The following TMEM117 variants were observed in gnomAD, a reference collection of about 807,000 sequenced individuals.
The protein encoded by TMEM117 is transmembrane protein 117.
Under a neutral mutation model 52.4 loss-of-function variants are expected in TMEM117, and 27 were observed. The ratio of observed to expected loss-of-function variants is 0.51; its 90% CI spans 0.38 to 0.71. The LOEUF is 0.71. Ranked by LOEUF, TMEM117 falls within the 30% of genes least tolerant of loss-of-function variation. The probability of loss-of-function intolerance (pLI) is 0.00; values close to 1 mark genes in which losing one functional copy is unlikely to be tolerated. For synonymous variants in TMEM117, 215 were observed against 206.3 expected (o/e 1.04, Z -0.36); for missense variants, 556 against 630.5 (o/e 0.88, Z 1.26).
intron 5 of TMEM117, among the ~76,000 whole-genome samples, chr12:44,252,574 C>G (rs1004358240): frequency 6.6e-6 from 1 of 152,140 alleles, no homozygotes; most frequent in Non-Finnish European, 1.5e-5. Context: ...TTTGTGAAGT[C>G]TGCTCCCAAT....
chr12:44,079,723 AT>A (rs1947448794), intron 3 of TMEM117, among the ~76,000 whole-genome samples: 1 of 152,136 alleles, frequency 6.6e-6, no homozygotes, highest in African/African-American at 2.4e-5. Flanking sequence ...TTTTAAAGAA[AT>A]TAAAAATGAG....
intron 4 of TMEM117, among the ~76,000 whole-genome samples, chr12:44,191,850 A>G (rs967914866): frequency 1.6e-4 from 24 of 152,248 alleles, no homozygotes; most frequent in Admixed American, 4.6e-4. Context: ...ATTTTTTTCT[A>G]TAAGTAATAG....
intron 4 of TMEM117, among the ~76,000 whole-genome samples, chr12:44,165,417 C>T (rs372199143): frequency 2.1e-4 from 32 of 152,216 alleles, no homozygotes; most frequent in African/African-American, 7.0e-4. Context: ...CCCACTTAAA[C>T]GATATAGATT....
chr12:43,831,888 GA>G (rs1942984932), upstream of TMEM117, among the ~76,000 whole-genome samples: 6 of 152,040 alleles, frequency 3.9e-5, no homozygotes, highest in Non-Finnish European at 8.8e-5. Context: ...TTTTACAAAG[GA>G]ATGATATGTA....
chr12:43,921,594 G>A (rs10748379), intron 2 of TMEM117, among the ~76,000 whole-genome samples: 1 of 151,934 alleles, frequency 6.6e-6, no homozygotes, highest in African/African-American at 2.4e-5. Context: ...AGTTTTATTG[G>A]TTCTACCTTC....
chr12:44,069,362 A>G (rs1477834434), intron 3 of TMEM117, among the ~76,000 whole-genome samples: 1 of 152,148 alleles, frequency 6.6e-6, no homozygotes, highest in Admixed American at 6.5e-5. Context: ...TAAAGACCTC[A>G]CTGAGAGGTG....
chr12:43,946,324 A>G (rs1945130282), intron 3 of TMEM117, among the ~76,000 whole-genome samples: 1 of 151,408 alleles, frequency 6.6e-6, no homozygotes, highest in Non-Finnish European at 1.5e-5. Context: ...ATAATACATG[A>G]TATAATATAT....
intron 3 of TMEM117, among the ~76,000 whole-genome samples, chr12:44,017,437 A>C (rs943856044): frequency 1.3e-5 from 2 of 149,864 alleles, no homozygotes; most frequent in East Asian, 3.9e-4. Flanking sequence ...AAGAAATCTT[A>C]TATGATTTCT....
intron 3 of TMEM117, among the ~76,000 whole-genome samples, chr12:43,945,496 A>AT (rs1945117331): frequency 6.6e-6 from 1 of 151,802 alleles, no homozygotes; most frequent in African/African-American, 2.4e-5. Context: ...AATTTTTGTT[A>AT]TTTTTTAGTA....
chr12:43,824,230 A>C, the TMEM117 span, among the ~76,000 whole-genome samples: 1 of 152,234 alleles, frequency 6.6e-6, no homozygotes, highest in African/African-American at 2.4e-5. Flanking sequence ...CTCTCTGGTC[A>C]AACGAGGTGG....
chr12:44,085,860 G>A (rs757649962), intron 3 of TMEM117, among the ~76,000 whole-genome samples: 2 of 151,680 alleles, frequency 1.3e-5, no homozygotes, highest in African/African-American at 4.8e-5. Flanking sequence ...TTTTTCTAGA[G>A]AAGAATAAGA....
the TMEM117 span, among the ~76,000 whole-genome samples, chr12:43,803,436 G>T: frequency 1.3e-5 from 2 of 151,994 alleles, no homozygotes; most frequent in Non-Finnish European, 2.9e-5. Flanking sequence ...AAGATAAAAT[G>T]TTAGCAGTTA....
chr12:43,914,364 T>C (rs1944565448), intron 2 of TMEM117, among the ~76,000 whole-genome samples: 1 of 152,162 alleles, frequency 6.6e-6, no homozygotes, highest in East Asian at 1.9e-4. Context: ...CGCTCCTCAG[T>C]CTTCCCCTAG....
chr12:43,817,928 T>G, the TMEM117 span, among the ~76,000 whole-genome samples: 9 of 152,256 alleles, frequency 5.9e-5, no homozygotes, highest in African/African-American at 2.2e-4. Context: ...TTTTAAAAAA[T>G]ATAAAGAAAC....
intron 7 of TMEM117, among the ~76,000 whole-genome samples, chr12:44,377,026 G>T (rs1316797814): frequency 2.0e-5 from 3 of 152,114 alleles, no homozygotes; most frequent in Non-Finnish European, 4.4e-5. Flanking sequence ...GCTTGGAAAA[G>T]AAATATGTCA....
intron 1 of TMEM117, among the ~76,000 whole-genome samples, chr12:43,839,240 A>G (rs1313342746): frequency 3.9e-5 from 6 of 152,058 alleles, no homozygotes; most frequent in Admixed American, 2.0e-4. Flanking sequence ...AATATTTTCA[A>G]CCAGGAAACA....
At chr12:44,340,368 G>A (rs1951400427) in intron 6 of TMEM117, among the ~76,000 whole-genome samples, 1 of 152,014 alleles carries the variant, frequency 6.6e-6, no homozygotes, top group Admixed American at 6.6e-5. Flanking sequence ...ATCAAAACAG[G>A]GAAGTACTTA....
At chr12:44,219,750 A>G (rs564575473) in intron 5 of TMEM117, among the ~76,000 whole-genome samples, 1 of 152,282 alleles carries the variant, frequency 6.6e-6, no homozygotes, top group Admixed American at 6.5e-5. Context: ...CATTATAGCT[A>G]CTCAAATAAT....
chr12:44,174,691 T>C (rs1430292507), intron 4 of TMEM117, among the ~76,000 whole-genome samples: 1 of 152,192 alleles, frequency 6.6e-6, no homozygotes, highest in Non-Finnish European at 1.5e-5. Context: ...GTAAATAAGA[T>C]ACACAGAGTT....
Sources: allele counts gnomAD v4.1 joint callset (sites outside exome capture counted in the v4.1 genomes callset), GRCh38; gene constraint gnomAD v4.1.1; transcripts MANE v1.5; gene names NCBI Gene and HGNC (gene_info 2026-07-23, HGNC 2026-07-21).